The following TMEM236 variants were observed in gnomAD, a reference collection of about 807,000 sequenced individuals.
TMEM236 encodes the protein family with sequence similarity 23, member A.
TMEM236 carries 11 observed loss-of-function variants against 14.7 expected under a neutral mutation model. The observed-to-expected ratio is 0.75, with a 90% CI of 0.47 to 1.24. TMEM236 has a LOEUF of 1.24. TMEM236 is among the 50% of genes most tolerant of loss of function. TMEM236 has a pLI of 0.00. For synonymous variants in TMEM236, 182 were observed against 168.6 expected, an observed-to-expected ratio of 1.08 and a Z score of -0.62; for missense variants, 464 against 427.3, an observed-to-expected ratio of 1.09 and a Z score of -0.76.
intron 1 of TMEM236, among the ~76,000 whole-genome samples, chr10:17,766,562 T>A (rs1554834337): frequency 6.6e-6 from 1 of 152,212 alleles, no homozygotes; most frequent in African/African-American, 2.4e-5. Flanking sequence ...CAAGGCAATC[T>A]AGGCTTTTTC....
rs1837654625 is a variant in TMEM236 at position 17,776,083 on chromosome 10, C to T, written c.385C>T (p.Leu129=). The T allele has an allele frequency of 6.2e-7, 1 of 1,613,732 alleles. No homozygotes were observed. Among genetic ancestry groups the T allele is most frequent in the African/African-American group, 1.3e-5 (1 of 74,900 alleles). ...TGTCTTACCTGATATGTTACCTGACCTGCCCGTATCTCTGGTTCTGTTATC... is the reference window on the plus strand; with the variant it reads ...TGTCTTACCTGATATGTTACCTGACTTGCCCGTATCTCTGGTTCTGTTATC... ...ADVLPDMLPD[L]PVSLVLLSLI... is the part of the protein sequence containing the mutation. Residue 129 remains leucine, a synonymous_variant, in exon 3 of 4, where the codon CTG becomes TTG. Transcript: ENST00000377495.
chr10:17,767,582 CATTTAGTATTT>C (rs1837489238), intron 1 of TMEM236, among the ~76,000 whole-genome samples: 1 of 152,118 alleles, frequency 6.6e-6, no homozygotes, highest in African/African-American at 2.4e-5. Flanking sequence ...TGAGTCCCTT[CATTTAGTATTT>C]ATTGAATTCC....
chr10:17,754,500 T>G (rs908033523), intron 1 of TMEM236, among the ~76,000 whole-genome samples: 23 of 151,840 alleles, frequency 1.5e-4, no homozygotes, highest in Non-Finnish European at 2.6e-4. Context: ...ACTTTTTTTG[T>G]GTTTTTTATA....
chr10:17,752,689 C>A, intron 1 of TMEM236, 137 bp downstream of exon 1: 1 of 861,854 alleles, frequency 1.2e-6, no homozygotes, highest in Non-Finnish European at 1.9e-6. Context: ...GCCTCAGCCT[C>A]CTGAGTAGCT....
Position 17,796,353 on chromosome 10 carries a change from T to C in TMEM236, c.905T>C (p.Val302Ala). 1 of 1,613,926 alleles carries C rather than the reference T, an allele frequency of 6.2e-7. No homozygotes were observed. Among genetic ancestry groups the C allele is most frequent in the Non-Finnish European group, 8.5e-7 (1 of 1,179,846 alleles). ...GTCCTGCTGCAAGATTTACCATTCG[T>C]TTTTGTTAGACTTGGTTTAATCATT... ...LSVLLQDLPF[V>A]FVRLGLIIAL... The change falls in exon 4 of 4, where the codon GTT becomes GCT. Residue 302 changes from valine (V) to alanine (A), a missense_variant. Val to Ala is a moderately conservative substitution (Grantham distance 64). Coordinates refer to ENST00000377495, the MANE Select transcript of TMEM236 (RefSeq NM_001098844.3).
At chr10:17,761,693 C>CA (rs1297497582) in intron 1 of TMEM236, among the ~76,000 whole-genome samples, 76,117 of 113,820 alleles carry the variant, frequency 0.67, 23,791 homozygotes, top group Middle Eastern at 0.75. Flanking sequence ...GACTATGTCT[C>CA]AAAAAAAAAA....
At chr10:17,776,297 T>C in intron 3 of TMEM236, 127 bp downstream of exon 3, 1 of 938,700 alleles carries the variant, frequency 1.1e-6, no homozygotes, top group East Asian at 2.4e-5. Context: ...GATAGAAGAT[T>C]GCAAATGAAG....
In TMEM236 at chr10:17,781,745, C is replaced by CA. The variant is rs67839025; in HGVS notation, c.472+5596dup. On this transcript the variant is annotated intron_variant, in intron 3 of 3. Coordinates refer to ENST00000377495, the MANE Select transcript of TMEM236 (RefSeq NM_001098844.3). Reference sequence around the variant, plus strand: ...TGGGTGATAGAACATACCTCTGTCTCAAAAAAAAAAAAAAAAAAAAAGGAA... The same window carrying CA: ...TGGGTGATAGAACATACCTCTGTCTCAAAAAAAAAAAAAAAAAAAAAAGGAA... Among the ~76,000 whole-genome samples, 168 of 96,800 alleles carry CA rather than the reference C, an allele frequency of 1.7e-3. 1 individual carries two copies. Among genetic ancestry groups the CA allele is most frequent in the Non-Finnish European group, 2.4e-3 (121 of 49,736 alleles). The allele number at this position is 96,800 out of a possible 152,430, so 63.5% of individuals were successfully genotyped here.
intron 3 of TMEM236, among the ~76,000 whole-genome samples, chr10:17,787,574 T>A (rs1837859379): frequency 6.6e-6 from 1 of 152,234 alleles, no homozygotes; most frequent in African/African-American, 2.4e-5. Flanking sequence ...CCCAGAATGC[T>A]CATTGCTCCC....
intron 1 of TMEM236, among the ~76,000 whole-genome samples, chr10:17,763,868 C>A (rs2131743969): frequency 6.6e-6 from 1 of 152,248 alleles, no homozygotes; most frequent in East Asian, 1.9e-4. Flanking sequence ...ACTTCCCAGC[C>A]ACAGGATCTT....
intron 1 of TMEM236, among the ~76,000 whole-genome samples, chr10:17,770,605 G>A (rs200250001): frequency 0.31 from 47,019 of 151,944 alleles, 7,553 homozygotes; most frequent in Middle Eastern, 0.42. Context: ...GGATGGTCTC[G>A]ATCTCCTGAC....
At chr10:17,766,552 CA>C (rs1181660394) in intron 1 of TMEM236, among the ~76,000 whole-genome samples, 2 of 152,210 alleles carry the variant, frequency 1.3e-5, no homozygotes, top group African/African-American at 4.8e-5. Flanking sequence ...ACAGTCTCTT[CA>C]AGGCAATCTA....
chr10:17,783,166 CAG>C (rs1453268902), intron 3 of TMEM236, among the ~76,000 whole-genome samples: 1 of 152,170 alleles, frequency 6.6e-6, no homozygotes, highest in Non-Finnish European at 1.5e-5. Flanking sequence ...ATGATGATTG[CAG>C]AGTGTCCTCA....
chr10:17,775,254 T>G (rs1837641001), intron 2 of TMEM236, among the ~76,000 whole-genome samples: 1 of 152,100 alleles, frequency 6.6e-6, no homozygotes, highest in South Asian at 2.1e-4. Flanking sequence ...TTTCCATAGT[T>G]TTTTGTTATT....
At chr10:17,785,693 T>C (rs1451263960) in intron 3 of TMEM236, among the ~76,000 whole-genome samples, 1 of 152,132 alleles carries the variant, frequency 6.6e-6, no homozygotes, top group Non-Finnish European at 1.5e-5. Flanking sequence ...ATGTGTTGTT[T>C]TGCAATGTGC....
Position 17,795,955 on chromosome 10 carries a change from G to T in TMEM236, c.507G>T (p.Leu169Phe). 1 of 1,613,862 alleles carries T rather than the reference G, an allele frequency of 6.2e-7. No individual in the cohort carries two copies. Among genetic ancestry groups the T allele is most frequent in the Non-Finnish European group, 8.5e-7 (1 of 1,179,856 alleles). Reference protein sequence around the residue: ...SENGHIHSTSLQHIKTVTEQV... With the variant: ...SENGHIHSTSFQHIKTVTEQV... Reference sequence around the variant, plus strand: ...ATGGACACATCCATTCAACCTCTTTGCAACACATAAAAACTGTGACGGAGC... The same window carrying T: ...ATGGACACATCCATTCAACCTCTTTTCAACACATAAAAACTGTGACGGAGC... Residue 169 changes from leucine (L) to phenylalanine (F), a missense_variant, in exon 4 of 4, where the codon TTG becomes TTT. Transcript: ENST00000377495.
At position 17,800,180 on chromosome 10, in the gene TMEM236, T is replaced by A. The variant is rs908384234; in HGVS notation, c.*3676T>A. The A allele has an allele frequency of 6.6e-6, 1 of 150,984 alleles. No homozygotes were observed. Among genetic ancestry groups the A allele is most frequent in the Non-Finnish European group, 1.5e-5 (1 of 67,852 alleles). The allele number at this position is 150,984 out of a possible 1,614,324, so 9.4% of individuals were successfully genotyped here. On this transcript the variant is annotated 3_prime_UTR_variant, in exon 4 of 4. Coordinates refer to ENST00000377495, the MANE Select transcript of TMEM236 (RefSeq NM_001098844.3). ...CCGGAGGGCAGAGGTTGCAGTGAGC[T>A]GAGATCTCGCCACTATGCTCCAGCC...
Position 17,796,086 on chromosome 10 carries a change from TG to T in TMEM236, c.641del (p.Gly214AspfsTer12). 1.2e-6 allele frequency: 2 copies of T among 1,613,888 alleles called. No homozygotes were observed. Among genetic ancestry groups the T allele is most frequent in the Non-Finnish European group, 1.7e-6 (2 of 1,179,862 alleles). ...ACACGGAGCCAGGAGTCTGTGTTCATGGGACCCCAGGAGCCCTCCTGTGACT... is the reference window on the plus strand; with the variant it reads ...ACACGGAGCCAGGAGTCTGTGTTCATGGACCCCAGGAGCCCTCCTGTGACT... The part of the protein sequence containing the change: ...AMTRSQESVF[M>X]GPQEPSCDSG... On this transcript the variant is annotated frameshift_variant, in exon 4 of 4. Coordinates refer to ENST00000377495, the MANE Select transcript of TMEM236 (RefSeq NM_001098844.3). LOFTEE classifies it low-confidence loss of function (END_TRUNC).
At chr10:17,753,739 T>C (rs2131737609) in intron 1 of TMEM236, among the ~76,000 whole-genome samples, 1 of 152,366 alleles carries the variant, frequency 6.6e-6, no homozygotes, top group African/African-American at 2.4e-5. Context: ...AATAGAATGA[T>C]TTATATTCCT....
Sources: gnomAD v4.1 joint callset for allele counts (sites outside exome capture counted in the v4.1 genomes callset) on GRCh38, gnomAD v4.1.1 for gene constraint, MANE v1.5 for transcripts, NCBI Gene and HGNC (gene_info 2026-07-23, HGNC 2026-07-21) for gene names.